The following CBL variants were observed in gnomAD, a reference collection of about 807,000 sequenced individuals.
The protein encoded by CBL is Cbl proto-oncogene.
In CBL, 45 loss-of-function variants were observed where a neutral mutation model predicts 96.9. That is an observed-to-expected ratio of 0.46 (90% CI 0.37 to 0.60). The LOEUF is 0.60. Among genes scored for constraint, CBL ranks in the 20% least tolerant of loss-of-function variants. The pLI, the probability that CBL is intolerant of heterozygous loss-of-function variation, is 0.00. For synonymous variants in CBL, 420 were observed against 426.8 expected, an observed-to-expected ratio of 0.98 and a Z score of 0.20; for missense variants, 1,024 against 1,143.5, an observed-to-expected ratio of 0.90 and a Z score of 1.51.
chr11:119,243,971 C>T (rs1408058203), intron 2 of CBL, among the ~76,000 whole-genome samples: 1 of 152,068 alleles, frequency 6.6e-6, no homozygotes, highest in Non-Finnish European at 1.5e-5. Flanking sequence ...TTAAGTGATC[C>T]TTTTGCCTTG....
At chr11:119,298,644 A>G in intron 15 of CBL, 104 bp downstream of exon 15, 1 of 991,344 alleles carries the variant, frequency 1.0e-6, no homozygotes, top group Admixed American at 1.7e-5. Context: ...GTCAGTATGT[A>G]GGCTAAACAT....
intron 1 of CBL, among the ~76,000 whole-genome samples, chr11:119,223,650 G>A (rs188109194): frequency 1.6e-3 from 235 of 149,320 alleles, no homozygotes; most frequent in African/African-American, 5.4e-3. Context: ...TTGAGACAGC[G>A]TCTCTCTCTC....
chr11:119,288,079 A>G (rs1949998044), intron 12 of CBL, 133 bp downstream of exon 12: 1 of 683,908 alleles, frequency 1.5e-6, no homozygotes, highest in African/African-American at 1.8e-5. Context: ...AAATGATTAT[A>G]TTTTATGTTT....
At chr11:119,293,985 A>G (rs1950047003) in intron 12 of CBL, among the ~76,000 whole-genome samples, 1 of 152,186 alleles carries the variant, frequency 6.6e-6, no homozygotes. Flanking sequence ...ACTCTAATGT[A>G]TTCTTTCTTG....
chr11:119,279,376 T>C (rs1409279243), intron 9 of CBL, among the ~76,000 whole-genome samples: 1 of 152,012 alleles, frequency 6.6e-6, no homozygotes. Flanking sequence ...CTGGGTATGG[T>C]GTTGTGCACC....
intron 1 of CBL, among the ~76,000 whole-genome samples, chr11:119,216,132 CT>C (rs1800692495): frequency 6.6e-6 from 1 of 152,176 alleles, no homozygotes; most frequent in African/African-American, 2.4e-5. Flanking sequence ...TCTGGGTCCC[CT>C]CTCTGCTGTC....
chr11:119,295,079 TAG>T (rs1950054910), intron 12 of CBL, among the ~76,000 whole-genome samples: 1 of 152,192 alleles, frequency 6.6e-6, no homozygotes, highest in Non-Finnish European at 1.5e-5. Flanking sequence ...AGATCTATTG[TAG>T]TAGAAGCAGC....
At position 119,300,867 on chromosome 11, in the gene CBL, A is replaced by G. The variant is rs1950097152; in HGVS notation, c.*1086A>G. ...AAAGCTTTTAGGAAGCTTCGTTCAC[A>G]TGCTATTTAAATGCACAAAATAGAC... On this transcript the variant is annotated 3_prime_UTR_variant, in exon 16 of 16. Transcript: ENST00000264033. The G allele has an allele frequency of 3.3e-6, 1 of 304,976 alleles. No homozygotes were observed. The highest frequency in any genetic ancestry group is 5.0e-5 in the Admixed American group (1 of 19,868). 18.9% of individuals were successfully genotyped at this position (304,976 alleles called of 1,614,324 possible). A position where few individuals can be genotyped will look rare whatever the true frequency, so the allele number is the denominator to read the frequency against.
chr11:119,306,833 G>A lies in CBL; in HGVS notation c.*7052G>A, dbSNP rs1950146519. The stretch of plus-strand genomic sequence containing the variant: ...TGCTGACACATGTGGTAGGGGCATG[G>A]CAGCTATGAGGCACCTCCTACGTCT... On this transcript the variant is annotated 3_prime_UTR_variant, in exon 16 of 16. Coordinates refer to ENST00000264033, the MANE Select transcript of CBL (RefSeq NM_005188.4). 4.3e-6 allele frequency: 1 copy of A among 233,854 alleles called. No individual in the cohort carries two copies. The highest frequency in any genetic ancestry group is 8.4e-6 in the Non-Finnish European group (1 of 118,460). The allele number at this position is 233,854 out of a possible 1,614,324, so 14.5% of individuals were successfully genotyped here.
In CBL at chr11:119,244,269, T is replaced by TAATA. The variant is rs529620228; in HGVS notation, c.443+11575_443+11578dup. On this transcript the variant is annotated intron_variant, in intron 2 of 15. Transcript: ENST00000264033. ...GTTCTCAGCATCATCCTGTACAAGG[T>TAATA]AATAGTGCTTGTAGAGCAGTAGATC... Among the ~76,000 whole-genome samples, 18 of 152,310 alleles carry TAATA rather than the reference T, an allele frequency of 1.2e-4. No individual in the cohort carries two copies. In the East Asian group the frequency reaches 3.5e-3, roughly 29 times the overall value.
chr11:119,227,508 TATC>T (rs1344453428), intron 1 of CBL, among the ~76,000 whole-genome samples: 1 of 152,154 alleles, frequency 6.6e-6, no homozygotes, highest in Admixed American at 6.6e-5. Flanking sequence ...AGCACTTTCT[TATC>T]ATATTAGCCT....
intron 14 of CBL, 86 bp downstream of exon 14, chr11:119,297,567 T>A: frequency 9.9e-7 from 1 of 1,010,890 alleles, no homozygotes; most frequent in Non-Finnish European, 1.6e-6. Context: ...TAGCTTGATC[T>A]AAGCTCAAAA....
chr11:119,208,360 C>A (rs1949290480), intron 1 of CBL, among the ~76,000 whole-genome samples: 2 of 151,512 alleles, frequency 1.3e-5, no homozygotes, highest in African/African-American at 2.4e-5. Context: ...TAAGAATAAT[C>A]TGTTTACTAA....
Position 119,285,068 on chromosome 11 carries a change from T to A in CBL, c.1531T>A (p.Ser511Thr), listed in dbSNP as rs1281086600. The stretch of plus-strand genomic sequence containing the variant: ...TCTGCCGCAGCGAGTATGTGTTCCC[T>A]CAAGTGCTTCTGCTCTTGGAACTGC... Reference protein sequence around the residue: ...DLLPQRVCVPSSASALGTASK... With the variant: ...DLLPQRVCVPTSASALGTASK... Residue 511 changes from serine to threonine, a missense_variant, in exon 10 of 16, where the codon TCA (serine) becomes ACA (threonine). Transcript: ENST00000264033. The A allele has an allele frequency of 1.9e-6, 3 of 1,614,072 alleles. No individual in the cohort carries two copies. Among genetic ancestry groups the A allele is most frequent in the South Asian group, 1.1e-5 (1 of 91,082 alleles).
intron 1 of CBL, among the ~76,000 whole-genome samples, chr11:119,213,828 T>C (rs977340949): frequency 6.6e-6 from 1 of 152,158 alleles, no homozygotes; most frequent in Non-Finnish European, 1.5e-5. Context: ...CGCTTTGGCC[T>C]TCCAAAGTGC....
In CBL at chr11:119,239,795, CT is replaced by C. The variant is rs374338369; in HGVS notation, c.443+7106del. 6.7e-5 allele frequency among the ~76,000 whole-genome samples: 10 copies of C among 149,750 alleles called. 1 individual carries two copies. Among genetic ancestry groups the C allele is most frequent in the African/African-American group, 2.5e-4 (10 of 40,782 alleles). The stretch of plus-strand genomic sequence containing the variant: ...GTTTTTGGTTGTTGTTTTTTTTTTG[CT>C]TTTTTGTTTTATCATAAACAGTTGT... On this transcript the variant is annotated intron_variant, in intron 2 of 15. Transcript: ENST00000264033.
chr11:119,276,251 T>C (rs571135115), intron 6 of CBL, 117 bp downstream of exon 6: 2 of 1,067,032 alleles, frequency 1.9e-6, no homozygotes, highest in East Asian at 2.4e-5. Context: ...CAGGAAAATA[T>C]TAACAGATGA....
rs534101322 is a variant in CBL at position 119,278,874 on chromosome 11, G to GT, written c.1431+167dup. ...AGATATTGTGTTAAGCACTTTACTTGTTTTTTACTCAATCTTTACTACAGC... is the reference window on the plus strand; with the variant it reads ...AGATATTGTGTTAAGCACTTTACTTGTTTTTTTACTCAATCTTTACTACAGC... On this transcript the variant is annotated intron_variant, in intron 9 of 15. Coordinates refer to ENST00000264033, the MANE Select transcript of CBL (RefSeq NM_005188.4). Among the ~76,000 whole-genome samples, 3 of 152,268 alleles carry GT rather than the reference G, an allele frequency of 2.0e-5. No homozygotes were observed. The South Asian group carries it at 6.2e-4, about 32-fold the overall frequency.
chr11:119,213,986 C>A (rs1369020534), intron 1 of CBL, among the ~76,000 whole-genome samples: 1 of 152,130 alleles, frequency 6.6e-6, no homozygotes, highest in Non-Finnish European at 1.5e-5. Flanking sequence ...CTCTTTTGCC[C>A]CAGGCTGGAG....
Sources: allele counts gnomAD v4.1 joint callset (sites outside exome capture counted in the v4.1 genomes callset), GRCh38; gene constraint gnomAD v4.1.1; transcripts MANE v1.5; gene names NCBI Gene and HGNC (gene_info 2026-07-23, HGNC 2026-07-21).